Variants in MBD5 observed in about 807,000 individuals in gnomAD.
MBD5 encodes methyl-CpG binding domain protein 5.
In MBD5, 13 loss-of-function variants were observed where a neutral mutation model predicts 117.3. The ratio of observed to expected loss-of-function variants is 0.11; its 90% CI spans 0.07 to 0.18. The LOEUF is 0.18. Among genes scored for constraint, MBD5 ranks in the 10% least tolerant of loss-of-function variants. MBD5 has a pLI of 1.00. For missense variants in MBD5, 1,879 were observed against 2,093.8 expected (o/e 0.90, Z 2.00); for synonymous variants, 727 against 766.4 (o/e 0.95, Z 0.85).
At position 148,167,792 on chromosome 2, in the gene MBD5, G is replaced by A. The variant is rs533241459; in HGVS notation, c.-924-10908G>A. On this transcript the variant is annotated intron_variant, in intron 1 of 13. Transcript: ENST00000642680. ...TCAACAGGAACATCATTTTTTTTTT[G>A]AGCCAAATCCCACATCTTTTGCTAT... 5.9e-5 allele frequency among the ~76,000 whole-genome samples: 9 copies of A among 152,052 alleles called. No individual in the cohort carries two copies. The South Asian group carries it at 1.2e-3, about 21-fold the overall frequency.
rs1680725696 is a variant in MBD5 at position 148,469,677 on chromosome 2, T to C, written c.1734T>C (p.Ser578=). 1.2e-6 allele frequency: 2 copies of C among 1,613,830 alleles called. No individual in the cohort carries two copies. Among genetic ancestry groups the C allele is most frequent in the South Asian group, 2.2e-5 (2 of 91,080 alleles). ...ATGCTGCCTCCTTTCCAGCAAGTAGTTTACTCTCAGCAGCAGCCAAAGCAC... is the reference window on the plus strand; with the variant it reads ...ATGCTGCCTCCTTTCCAGCAAGTAGCTTACTCTCAGCAGCAGCCAAAGCAC... ...QHNAASFPAS[S]LLSAAAKAQL... The change falls in exon 8 of 14, where the codon AGT becomes AGC. Residue 578 remains serine (S), a synonymous_variant. Transcript: ENST00000642680.
chr2:148,198,792 G>A (rs569053780), intron 2 of MBD5, among the ~76,000 whole-genome samples: 3 of 151,846 alleles, frequency 2.0e-5, no homozygotes, highest in South Asian at 2.1e-4. Flanking sequence ...AGAAAGCATC[G>A]TGCTATGAGC....
chr2:148,071,374 A>G (rs1317094908), intron 1 of MBD5: 4 of 151,588 alleles, frequency 2.6e-5, no homozygotes, highest in Non-Finnish European at 5.9e-5. Flanking sequence ...ATTTAGCAGG[A>G]AGCCACAATT....
At chr2:148,235,491 A>C (rs1700072433) in intron 3 of MBD5, among the ~76,000 whole-genome samples, 1 of 152,186 alleles carries the variant, frequency 6.6e-6, no homozygotes, top group Admixed American at 6.6e-5. Flanking sequence ...TTATAATTCT[A>C]ATCCAAAGTG....
intron 2 of MBD5, among the ~76,000 whole-genome samples, chr2:148,227,871 A>T (rs536274971): frequency 2.6e-5 from 4 of 152,182 alleles, no homozygotes; most frequent in African/African-American, 9.6e-5. Flanking sequence ...ATTCTCTTTG[A>T]AGCAATTATG....
chr2:148,038,445 T>C (rs1408313516), intron 1 of MBD5, among the ~76,000 whole-genome samples: 2 of 151,568 alleles, frequency 1.3e-5, no homozygotes, highest in Non-Finnish European at 3.0e-5. Context: ...TGTATCTTTT[T>C]TCTTTTTTCT....
chr2:148,102,206 C>T (rs938085889), intron 1 of MBD5, among the ~76,000 whole-genome samples: 1 of 152,214 alleles, frequency 6.6e-6, no homozygotes, highest in Non-Finnish European at 1.5e-5. Context: ...TTTTCACCTA[C>T]TTTGTCCAAA....
At chr2:148,422,020 A>G (rs1249804789) in intron 4 of MBD5, among the ~76,000 whole-genome samples, 1 of 152,140 alleles carries the variant, frequency 6.6e-6, no homozygotes, top group Non-Finnish European at 1.5e-5. Context: ...GCAGACTTAA[A>G]TGTCCCTGCC....
chr2:148,381,833 C>G (rs4635473), intron 4 of MBD5, among the ~76,000 whole-genome samples: 76,225 of 151,942 alleles, frequency 0.5, 19,417 homozygotes, highest in East Asian at 0.75. Flanking sequence ...AATTTTCAAC[C>G]CAGAATTTCA....
chr2:148,251,277 C>G (rs554168547), intron 3 of MBD5, among the ~76,000 whole-genome samples: 1 of 152,252 alleles, frequency 6.6e-6, no homozygotes, highest in African/African-American at 2.4e-5. Flanking sequence ...TACTGTACTT[C>G]AGAAGCCCTT....
chr2:148,172,845 A>G (rs1698293716), intron 1 of MBD5, among the ~76,000 whole-genome samples: 1 of 152,108 alleles, frequency 6.6e-6, no homozygotes, highest in South Asian at 2.1e-4. Context: ...TACCCATTTC[A>G]GGTCTCCTCA....
At chr2:148,370,326 A>G (rs974063773) in intron 4 of MBD5, among the ~76,000 whole-genome samples, 1 of 152,074 alleles carries the variant, frequency 6.6e-6, no homozygotes, top group Non-Finnish European at 1.5e-5. Context: ...TTCTGCCTTC[A>G]TTGTACTGAT....
chr2:148,447,559 T>C (rs1706600346), intron 4 of MBD5: 1 of 152,150 alleles, frequency 6.6e-6, no homozygotes, highest in Non-Finnish European at 1.5e-5. Flanking sequence ...AGGTACTTTC[T>C]ATTCCAGAAG....
At chr2:148,281,225 C>T (rs1008518072) in intron 3 of MBD5, among the ~76,000 whole-genome samples, 1 of 152,114 alleles carries the variant, frequency 6.6e-6, no homozygotes, top group African/African-American at 2.4e-5. Flanking sequence ...ATGTTAAGGC[C>T]TGTATCCTAC....
intron 9 of MBD5, chr2:148,485,037 T>A (rs981448232): frequency 5.9e-5 from 9 of 152,200 alleles, no homozygotes; most frequent in African/African-American, 2.2e-4. Context: ...ATGTTTCAAG[T>A]TACAAGACAA....
intron 3 of MBD5, among the ~76,000 whole-genome samples, chr2:148,300,795 GA>G (rs953339864): frequency 4.6e-5 from 7 of 152,102 alleles, no homozygotes; most frequent in African/African-American, 1.7e-4. Flanking sequence ...TTAGAGACAT[GA>G]AAAAAATGTA....
At chr2:148,143,356 T>C (rs1294464134) in intron 1 of MBD5, among the ~76,000 whole-genome samples, 1 of 152,220 alleles carries the variant, frequency 6.6e-6, no homozygotes, top group African/African-American at 2.4e-5. Flanking sequence ...GATGTTTGCC[T>C]CTGGAGACAG....
chr2:148,096,680 A>G (rs973100744), intron 1 of MBD5, among the ~76,000 whole-genome samples: 3 of 152,040 alleles, frequency 2.0e-5, no homozygotes, highest in African/African-American at 4.8e-5. Flanking sequence ...AATCAGTGCT[A>G]TGTCCCCATT....
chr2:148,278,815 C>G (rs1701172904), intron 3 of MBD5, among the ~76,000 whole-genome samples: 3 of 152,074 alleles, frequency 2.0e-5, no homozygotes, highest in Non-Finnish European at 4.4e-5. Flanking sequence ...GCCTCAGAAC[C>G]AAAGAAGCTG....
Sources: gnomAD v4.1 joint callset for allele counts (sites outside exome capture counted in the v4.1 genomes callset) on GRCh38, gnomAD v4.1.1 for gene constraint, MANE v1.5 for transcripts, NCBI Gene and HGNC (gene_info 2026-07-23, HGNC 2026-07-21) for gene names.